BANK1: variants seen among roughly 807,000 people sequenced by gnomAD.
The protein encoded by BANK1 is B cell scaffold protein with ankyrin repeats 1.
In BANK1, 95 loss-of-function variants were observed where a neutral mutation model predicts 94.5. That is an observed-to-expected ratio of 1.00 (90% CI 0.85 to 1.19). The LOEUF is 1.19. Ranked by LOEUF, BANK1 falls within the 50% of genes most tolerant of loss-of-function variation. The pLI is 0.00. For synonymous variants in BANK1, 334 were observed against 308.4 expected (o/e 1.08, Z -0.87); for missense variants, 987 against 932.2 (o/e 1.06, Z -0.77).
chr4:101,973,532 A>G (rs895719882), intron 7 of BANK1, among the ~76,000 whole-genome samples: 1 of 152,050 alleles, frequency 6.6e-6, no homozygotes, highest in Non-Finnish European at 1.5e-5. Context: ...TCCTGCCTGA[A>G]GTATTTTTAT....
Position 101,942,673 on chromosome 4 carries a change from G to T in BANK1, c.1206+24484G>T, listed in dbSNP as rs190100364. Among the ~76,000 whole-genome samples the T allele has an allele frequency of 7.9e-5, 12 of 151,966 alleles. No individual in the cohort carries two copies. The East Asian group carries it at 2.3e-3, about 30-fold the overall frequency. On this transcript the variant is annotated intron_variant, in intron 7 of 16. Coordinates refer to ENST00000322953, the MANE Select transcript of BANK1 (RefSeq NM_017935.5). ...TAAAATTATATAATTTAGGGTCAGT[G>T]TCAATGTAAAATCAGACTTTGTAGC...
intron 7 of BANK1, among the ~76,000 whole-genome samples, chr4:102,010,977 A>AT (rs1357240667): frequency 2.0e-5 from 3 of 152,214 alleles, no homozygotes; most frequent in Admixed American, 2.0e-4. Context: ...TATATGTGCA[A>AT]TTTTACCTTA....
intron 1 of BANK1, among the ~76,000 whole-genome samples, chr4:101,804,484 A>G (rs1284125864): frequency 6.6e-6 from 1 of 152,196 alleles, no homozygotes. Context: ...ACTCATGGGA[A>G]GTACCACTAG....
At chr4:101,857,303 T>C (rs1214618382) in intron 3 of BANK1, among the ~76,000 whole-genome samples, 2 of 152,206 alleles carry the variant, frequency 1.3e-5, no homozygotes, top group Non-Finnish European at 2.9e-5. Flanking sequence ...CAAACTGTGT[T>C]AATTTCTCTT....
At chr4:102,056,598 C>A (rs1319821766) in intron 11 of BANK1, among the ~76,000 whole-genome samples, 1 of 151,888 alleles carries the variant, frequency 6.6e-6, no homozygotes, top group African/African-American at 2.4e-5. Flanking sequence ...GTTTACGATA[C>A]CTGTTTCTGA....
chr4:101,820,991 C>T (rs1168335178), intron 1 of BANK1, among the ~76,000 whole-genome samples: 1 of 151,654 alleles, frequency 6.6e-6, no homozygotes, highest in Non-Finnish European at 1.5e-5. Flanking sequence ...GGGTCGAATG[C>T]CATTACTGTC....
At chr4:101,815,318 A>G (rs557439765) in intron 1 of BANK1, among the ~76,000 whole-genome samples, 2 of 152,290 alleles carry the variant, frequency 1.3e-5, no homozygotes, top group African/African-American at 4.8e-5. Flanking sequence ...GGTATTTGCC[A>G]TCTTTTATAT....
intron 7 of BANK1, among the ~76,000 whole-genome samples, chr4:101,950,008 G>A (rs1029108813): frequency 6.7e-6 from 1 of 149,264 alleles, no homozygotes; most frequent in East Asian, 2.0e-4. Flanking sequence ...TTTAGTTTAA[G>A]GAAGTAAGGG....
At chr4:101,890,656 G>A (rs1462557320) in intron 5 of BANK1, among the ~76,000 whole-genome samples, 2 of 148,276 alleles carry the variant, frequency 1.3e-5, no homozygotes, top group Non-Finnish European at 3.0e-5. Flanking sequence ...AGAACATATA[G>A]TTAAATCATA....
chr4:101,833,555 A>G (rs542891879), intron 2 of BANK1, among the ~76,000 whole-genome samples: 2 of 152,280 alleles, frequency 1.3e-5, no homozygotes, highest in South Asian at 4.1e-4. Flanking sequence ...TCTACAAGGT[A>G]CCCTTAGCCT....
intron 7 of BANK1, among the ~76,000 whole-genome samples, chr4:102,009,416 C>T (rs1406175580): frequency 6.6e-6 from 1 of 152,184 alleles, no homozygotes; most frequent in Non-Finnish European, 1.5e-5. Flanking sequence ...CCTACCTCTG[C>T]CTCTACTCCT....
chr4:101,891,582 C>T (rs1721869435), intron 5 of BANK1, among the ~76,000 whole-genome samples: 1 of 151,992 alleles, frequency 6.6e-6, no homozygotes, highest in Non-Finnish European at 1.5e-5. Context: ...TTCATCCCCA[C>T]CCTGTTTCTC....
chr4:102,001,995 A>G (rs1243564742), intron 7 of BANK1, among the ~76,000 whole-genome samples: 2 of 152,144 alleles, frequency 1.3e-5, no homozygotes, highest in East Asian at 1.9e-4. Flanking sequence ...CTGAAGCCCT[A>G]CTCTTCAGAG....
chr4:101,936,458 T>C (rs533352066), intron 7 of BANK1, among the ~76,000 whole-genome samples: 1 of 150,450 alleles, frequency 6.6e-6, no homozygotes, highest in African/African-American at 2.4e-5. Flanking sequence ...GCATATACTT[T>C]ATATGTATGA....
intron 7 of BANK1, among the ~76,000 whole-genome samples, chr4:101,948,071 A>T (rs988050882): frequency 6.6e-6 from 1 of 152,164 alleles, no homozygotes; most frequent in Non-Finnish European, 1.5e-5. Flanking sequence ...CTGCAATTTA[A>T]CATGTTAAAT....
At chr4:101,974,872 A>G (rs1337183753) in intron 7 of BANK1, among the ~76,000 whole-genome samples, 1 of 151,954 alleles carries the variant, frequency 6.6e-6, no homozygotes, top group Non-Finnish European at 1.5e-5. Context: ...CAGGAGAATC[A>G]CTTGAACCTG....
In BANK1 at chr4:101,892,765, A is replaced by C. The variant is rs567866476; in HGVS notation, c.904-2540A>C. Among the ~76,000 whole-genome samples the C allele has an allele frequency of 2.1e-3, 320 of 152,076 alleles. 2 individuals carry two copies. The highest frequency in any genetic ancestry group is 3.8e-3 in the Non-Finnish European group (260 of 67,836). ...CTTCATCAAATGTTCTTTGGGTTGC[A>C]CAATTTATTATAAGAAGAGAAAAAT... is the stretch of plus-strand genomic sequence containing the variant. On this transcript the variant is annotated intron_variant, in intron 5 of 16. Transcript: ENST00000322953.
At chr4:102,027,289 G>T (rs948564984) in intron 9 of BANK1, among the ~76,000 whole-genome samples, 1 of 147,992 alleles carries the variant, frequency 6.8e-6, no homozygotes, top group African/African-American at 2.5e-5. Context: ...TGGTATGTTG[G>T]TTAGCAGGTC....
intron 7 of BANK1, among the ~76,000 whole-genome samples, chr4:101,925,320 A>G (rs1030249099): frequency 1.3e-5 from 2 of 151,760 alleles, no homozygotes; most frequent in African/African-American, 4.8e-5. Flanking sequence ...AAGAATTTAT[A>G]ATATATTTGC....
Sources: allele counts gnomAD v4.1 joint callset (sites outside exome capture counted in the v4.1 genomes callset), GRCh38; gene constraint gnomAD v4.1.1; transcripts MANE v1.5; gene names NCBI Gene and HGNC (gene_info 2026-07-23, HGNC 2026-07-21).